LRRTM4: variants seen among roughly 807,000 people sequenced by gnomAD.
LRRTM4 encodes the protein leucine-rich repeat transmembrane neuronal protein 4.
A neutral mutation model predicts 47.6 loss-of-function variants in LRRTM4; 25 were observed. The ratio of observed to expected loss-of-function variants is 0.53; its 90% CI spans 0.38 to 0.73. The LOEUF (loss-of-function observed/expected upper bound fraction) is 0.73, where lower values mean the gene tolerates loss of function less well. LRRTM4 is among the 30% of genes least tolerant of loss of function. The pLI is 0.00. For missense variants in LRRTM4, 638 were observed against 713.4 expected, an observed-to-expected ratio of 0.89 and a Z score of 1.20; for synonymous variants, 311 against 269.5, an observed-to-expected ratio of 1.15 and a Z score of -1.51.
intron 3 of LRRTM4, among the ~76,000 whole-genome samples, chr2:77,379,597 C>A (rs1483478955): frequency 1.3e-5 from 2 of 151,950 alleles, no homozygotes; most frequent in Non-Finnish European, 2.9e-5. Context: ...CTATCGATAT[C>A]TTTGTTAATT....
chr2:77,050,756 C>T (rs1573502146), intron 3 of LRRTM4, among the ~76,000 whole-genome samples: 1 of 152,158 alleles, frequency 6.6e-6, no homozygotes, highest in Non-Finnish European at 1.5e-5. Flanking sequence ...ACCACTCTTT[C>T]TACTTCTGTA....
At chr2:77,415,120 T>G (rs1009644759) in intron 3 of LRRTM4, among the ~76,000 whole-genome samples, 4 of 152,198 alleles carry the variant, frequency 2.6e-5, no homozygotes, top group Admixed American at 1.3e-4. Context: ...TCATATTCAC[T>G]GAAAAATTAC....
intron 3 of LRRTM4, among the ~76,000 whole-genome samples, chr2:77,109,718 AATAG>A (rs1284813319): frequency 6.6e-6 from 1 of 152,168 alleles, no homozygotes; most frequent in African/African-American, 2.4e-5. Context: ...AATTAAAAAA[AATAG>A]ATAACCAGAT....
At chr2:77,146,954 A>G (rs1427360464) in intron 3 of LRRTM4, among the ~76,000 whole-genome samples, 1 of 152,182 alleles carries the variant, frequency 6.6e-6, no homozygotes, top group East Asian at 1.9e-4. Context: ...AGCAATTCAA[A>G]TTAATTTAAT....
At chr2:77,040,022 T>C (rs1298773307) in intron 3 of LRRTM4, among the ~76,000 whole-genome samples, 1 of 151,220 alleles carries the variant, frequency 6.6e-6, no homozygotes, top group Non-Finnish European at 1.5e-5. Context: ...ACATATTGGC[T>C]AAATCAAATT....
chr2:77,311,366 C>T (rs1400368019), intron 3 of LRRTM4, among the ~76,000 whole-genome samples: 1 of 152,100 alleles, frequency 6.6e-6, no homozygotes, highest in Non-Finnish European at 1.5e-5. Context: ...TAATTTAAGG[C>T]ATCTAAGGGA....
In LRRTM4 at chr2:77,290,526, A is replaced by G. The variant is rs555964228; in HGVS notation, c.1551+227792T>C. On this transcript the variant is annotated intron_variant, in intron 3 of 3. Transcript: ENST00000409884. ...CTACAGTTAACAAAAAATTTATTGT[A>G]TATATCAAAATAACTAAAAGAAAAA... Among the ~76,000 whole-genome samples, 15 of 152,136 alleles carry G rather than the reference A, an allele frequency of 9.9e-5. No homozygotes were observed. In the South Asian group the frequency reaches 2.7e-3, roughly 27 times the overall value.
chr2:76,777,623 T>C (rs1394215702), intron 3 of LRRTM4, among the ~76,000 whole-genome samples: 1 of 150,250 alleles, frequency 6.7e-6, no homozygotes, highest in Non-Finnish European at 1.5e-5. Context: ...TCCTGAGACT[T>C]TGCTGAAGTT....
intron 3 of LRRTM4, among the ~76,000 whole-genome samples, chr2:77,472,279 C>A (rs1176048671): frequency 6.6e-6 from 1 of 151,986 alleles, no homozygotes; most frequent in Non-Finnish European, 1.5e-5. Flanking sequence ...GTTATAGTGC[C>A]AACAGGCTGT....
intron 3 of LRRTM4, among the ~76,000 whole-genome samples, chr2:76,973,293 T>A (rs1057455147): frequency 2.0e-5 from 3 of 152,022 alleles, no homozygotes; most frequent in Non-Finnish European, 4.4e-5. Context: ...TCTATTTTAT[T>A]ATATTTATAA....
intron 3 of LRRTM4, among the ~76,000 whole-genome samples, chr2:77,510,078 T>C (rs62159467): frequency 0.058 from 8,905 of 152,254 alleles, 284 homozygotes; most frequent in Middle Eastern, 0.1. Flanking sequence ...ACATTGTTTC[T>C]TTAAGTCTTA....
intron 3 of LRRTM4, among the ~76,000 whole-genome samples, chr2:77,013,238 C>T (rs75211442): frequency 0.016 from 2,411 of 152,256 alleles, 72 homozygotes; most frequent in African/African-American, 0.056. Flanking sequence ...AAGGCATGTG[C>T]CTTGATTCCA....
At chr2:77,459,677 T>C (rs190373440) in intron 3 of LRRTM4, among the ~76,000 whole-genome samples, 40 of 149,104 alleles carry the variant, frequency 2.7e-4, no homozygotes, top group Non-Finnish European at 4.7e-4. Context: ...TAACTTTCAG[T>C]AAAACAAGAG....
intron 3 of LRRTM4, among the ~76,000 whole-genome samples, chr2:76,958,060 A>C (rs578092063): frequency 6.6e-6 from 1 of 151,844 alleles, no homozygotes; most frequent in South Asian, 2.1e-4. Context: ...AAGCTTTAAC[A>C]CTTGACATGA....
At chr2:77,432,476 T>C (rs1036920529) in intron 3 of LRRTM4, among the ~76,000 whole-genome samples, 2 of 152,244 alleles carry the variant, frequency 1.3e-5, no homozygotes, top group African/African-American at 4.8e-5. Context: ...TAAATATATA[T>C]TGTTTATTAA....
At chr2:76,973,098 A>C (rs1350215284) in intron 3 of LRRTM4, among the ~76,000 whole-genome samples, 1 of 152,012 alleles carries the variant, frequency 6.6e-6, no homozygotes, top group African/African-American at 2.4e-5. Flanking sequence ...GGGAAATATC[A>C]TCAAGTAAGA....
intron 3 of LRRTM4, among the ~76,000 whole-genome samples, chr2:77,514,143 A>G (rs1679122954): frequency 1.3e-5 from 2 of 151,968 alleles, no homozygotes; most frequent in African/African-American, 4.8e-5. Context: ...AAATATACAA[A>G]TACAGTTTCA....
intron 3 of LRRTM4, among the ~76,000 whole-genome samples, chr2:77,140,755 C>A (rs969285914): frequency 6.6e-6 from 1 of 152,038 alleles, no homozygotes; most frequent in African/African-American, 2.4e-5. Flanking sequence ...CCAGAATCTG[C>A]AATGAACTCC....
Position 76,879,670 on chromosome 2 carries a change from T to C in LRRTM4, c.1552-130754A>G, listed in dbSNP as rs116365430. On this transcript the variant is annotated intron_variant, in intron 3 of 3. Coordinates refer to ENST00000409884, the MANE Select transcript of LRRTM4 (RefSeq NM_001134745.3). Reference sequence around the variant, plus strand: ...ATCAAATAATTTTGATTTGAGAACATACTGCTTAAGAAATATATTTTGTAA... The same window carrying C: ...ATCAAATAATTTTGATTTGAGAACACACTGCTTAAGAAATATATTTTGTAA... 5.4e-3 allele frequency among the ~76,000 whole-genome samples: 820 copies of C among 152,346 alleles called. 5 individuals are homozygous for C. Among genetic ancestry groups the C allele is most frequent in the Middle Eastern group, 0.024 (7 of 294 alleles).
Sources: allele counts gnomAD v4.1 joint callset (sites outside exome capture counted in the v4.1 genomes callset), GRCh38; gene constraint gnomAD v4.1.1; transcripts MANE v1.5; gene names NCBI Gene and HGNC (gene_info 2026-07-23, HGNC 2026-07-21).